CYFIP1: variants seen among roughly 807,000 people sequenced by gnomAD.
The protein encoded by CYFIP1 is cytoplasmic FMR1 interacting protein 1.
Under a neutral mutation model 163.5 loss-of-function variants are expected in CYFIP1, and 58 were observed. The ratio of observed to expected loss-of-function variants is 0.35; its 90% CI spans 0.29 to 0.44. The LOEUF (loss-of-function observed/expected upper bound fraction) is 0.44, where lower values mean the gene tolerates loss of function less well. CYFIP1 is among the 20% of genes least tolerant of loss of function. The pLI is 1.00. For synonymous variants in CYFIP1, 663 were observed against 660.7 expected (o/e 1.00, Z -0.05); for missense variants, 1,338 against 1,653.8 (o/e 0.81, Z 3.31).
At chr15:22,937,523 T>G (rs1054194089) in intron 8 of CYFIP1, among the ~76,000 whole-genome samples, 3 of 152,158 alleles carry the variant, frequency 2.0e-5, no homozygotes, top group African/African-American at 7.2e-5. Flanking sequence ...GCGTTTTTTT[T>G]GCCATTAAAA....
At chr15:22,951,477 G>A (rs774306212) in intron 1 of CYFIP1, 21 of 1,288,974 alleles carry the variant, frequency 1.6e-5, no homozygotes, top group Non-Finnish European at 2.0e-5. Context: ...GGGTGATGCC[G>A]CTCGGAGGGG....
intron 1 of CYFIP1, among the ~76,000 whole-genome samples, chr15:22,979,208 C>G (rs74003060): frequency 0.013 from 2,015 of 152,232 alleles, 55 homozygotes; most frequent in African/African-American, 0.046. Flanking sequence ...CTTCCAGGCT[C>G]CGTGCCTGCA....
chr15:22,884,710 ACCC>A (rs1453385527), intron 23 of CYFIP1, among the ~76,000 whole-genome samples: 1 of 151,752 alleles, frequency 6.6e-6, no homozygotes, highest in Non-Finnish European at 1.5e-5. Context: ...TGGGGCTCCA[ACCC>A]CCCATTTCCC....
chr15:22,963,308 T>C (rs924760221), intron 1 of CYFIP1, among the ~76,000 whole-genome samples: 2 of 131,560 alleles, frequency 1.5e-5, no homozygotes, highest in African/African-American at 5.6e-5. Flanking sequence ...CTGACCAATA[T>C]GGAGAAACCC....
At chr15:22,977,206 A>G (rs2063310806) in intron 1 of CYFIP1, among the ~76,000 whole-genome samples, 1 of 152,060 alleles carries the variant, frequency 6.6e-6, no homozygotes, top group Admixed American at 6.6e-5. Flanking sequence ...TCTCAAAAAA[A>G]AAAAAGAAAA....
chr15:22,925,625 A>G (rs2061332588), intron 13 of CYFIP1, among the ~76,000 whole-genome samples: 1 of 152,216 alleles, frequency 6.6e-6, no homozygotes, highest in African/African-American at 2.4e-5. Flanking sequence ...AGAGCTGCCC[A>G]TGGAAAGGCT....
intron 6 of CYFIP1, among the ~76,000 whole-genome samples, chr15:22,939,855 C>G (rs536044402): frequency 6.6e-6 from 1 of 152,106 alleles, no homozygotes; most frequent in Admixed American, 6.5e-5. Flanking sequence ...TCCTGGACCC[C>G]GAGTCTGAGA....
intron 12 of CYFIP1, among the ~76,000 whole-genome samples, chr15:22,926,496 G>A (rs899701246): frequency 6.6e-6 from 1 of 152,076 alleles, no homozygotes; most frequent in African/African-American, 2.4e-5. Flanking sequence ...ATATAGTGAG[G>A]CCTCATCTCT....
intron 21 of CYFIP1, chr15:22,905,078 T>G (rs575702621): frequency 1.3e-5 from 2 of 152,278 alleles, no homozygotes; most frequent in African/African-American, 2.4e-5. Flanking sequence ...AATCGGATTT[T>G]CCTTCCCTGC....
intron 26 of CYFIP1, among the ~76,000 whole-genome samples, chr15:22,878,996 C>T (rs957977999): frequency 1.3e-4 from 19 of 151,912 alleles, no homozygotes; most frequent in Admixed American, 7.9e-4. Context: ...ATTAGCTGGG[C>T]GTGGTGGTGG....
rs553038552 is a variant in CYFIP1 at position 22,921,145 on chromosome 15, G to A, written c.1360-2287C>T. Among the ~76,000 whole-genome samples the A allele has an allele frequency of 3.9e-5, 6 of 152,138 alleles. No homozygotes were observed. The South Asian group carries it at 8.3e-4, about 21-fold the overall frequency. ...AGTATTTTGGGAGGCCGAGGCAGGCGGATCACAAGGTCAGGAGTTCGAGAC... is the reference window on the plus strand; with the variant it reads ...AGTATTTTGGGAGGCCGAGGCAGGCAGATCACAAGGTCAGGAGTTCGAGAC... On this transcript the variant is annotated intron_variant, in intron 13 of 30. Transcript: ENST00000617928.
intron 29 of CYFIP1, among the ~76,000 whole-genome samples, 165 bp downstream of exon 29, chr15:22,873,326 T>C (rs1156387821): frequency 6.6e-6 from 1 of 152,164 alleles, no homozygotes; most frequent in Non-Finnish European, 1.5e-5. Flanking sequence ...GTCAGCTCTT[T>C]GGCATCAAGT....
At chr15:22,946,855 G>T in intron 3 of CYFIP1, 148 bp downstream of exon 3, 1 of 760,672 alleles carries the variant, frequency 1.3e-6, no homozygotes, top group Non-Finnish European at 2.3e-6. Context: ...GAAAAGCAAA[G>T]ACTGTCTTAA....
At chr15:22,924,354 G>A (rs998558819) in intron 13 of CYFIP1, among the ~76,000 whole-genome samples, 9 of 152,116 alleles carry the variant, frequency 5.9e-5, no homozygotes, top group Non-Finnish European at 8.8e-5. Flanking sequence ...AACCCGGGAG[G>A]GAGAAGTTGC....
chr15:22,880,618 A>G (rs2059729549), intron 25 of CYFIP1, among the ~76,000 whole-genome samples: 1 of 152,152 alleles, frequency 6.6e-6, no homozygotes, highest in Non-Finnish European at 1.5e-5. Flanking sequence ...TACAGCTTCA[A>G]CTCCAGCCCA....
chr15:22,884,831 A>G (rs2059883396), intron 23 of CYFIP1, among the ~76,000 whole-genome samples: 2 of 152,078 alleles, frequency 1.3e-5, no homozygotes, highest in African/African-American at 4.8e-5. Flanking sequence ...TAGGTGGTCC[A>G]ACACCACGCG....
chr15:22,956,981 T>A (rs1337859239), intron 1 of CYFIP1, among the ~76,000 whole-genome samples: 1 of 152,216 alleles, frequency 6.6e-6, no homozygotes, highest in Non-Finnish European at 1.5e-5. Context: ...CTTTAGGTGT[T>A]AAAATAGAAA....
chr15:22,952,800 C>G (rs1428402277), intron 1 of CYFIP1, among the ~76,000 whole-genome samples: 1 of 151,940 alleles, frequency 6.6e-6, no homozygotes, highest in Non-Finnish European at 1.5e-5. Flanking sequence ...ATCAATCATC[C>G]CACTGTCCCT....
At chr15:22,888,242 C>G (rs1202801932) in intron 23 of CYFIP1, among the ~76,000 whole-genome samples, 2 of 152,154 alleles carry the variant, frequency 1.3e-5, no homozygotes, top group African/African-American at 4.8e-5. Context: ...CATAATCACA[C>G]AGATATACAC....
Sources: gnomAD v4.1 joint callset for allele counts (sites outside exome capture counted in the v4.1 genomes callset) on GRCh38, gnomAD v4.1.1 for gene constraint, MANE v1.5 for transcripts, NCBI Gene and HGNC (gene_info 2026-07-23, HGNC 2026-07-21) for gene names.